The following EPS15 variants were observed in gnomAD, a reference collection of about 807,000 sequenced individuals.
EPS15 encodes epidermal growth factor receptor substrate 15.
EPS15 carries 72 observed loss-of-function variants against 113.8 expected under a neutral mutation model. The ratio of observed to expected loss-of-function variants is 0.63; its 90% CI spans 0.52 to 0.77. The LOEUF is 0.77. Among genes scored for constraint, EPS15 ranks in the 30% least tolerant of loss-of-function variants. The probability of loss-of-function intolerance (pLI) is 0.00; values close to 1 mark genes in which losing one functional copy is unlikely to be tolerated. For missense variants in EPS15, 1,048 were observed against 1,045.8 expected (o/e 1.00, Z -0.03); for synonymous variants, 344 against 363.4 (o/e 0.95, Z 0.61).
intron 1 of EPS15, among the ~76,000 whole-genome samples, chr1:51,497,393 T>C (rs1266502384): frequency 6.6e-6 from 1 of 152,180 alleles, no homozygotes; most frequent in African/African-American, 2.4e-5. Context: ...AAAAGATAAC[T>C]TGTCCAAAGT....
In EPS15 at chr1:51,435,104, A is replaced by T. The variant is rs1008950745; in HGVS notation, c.1040+5243T>A. On this transcript the variant is annotated intron_variant, in intron 12 of 24. Coordinates refer to ENST00000371733, the MANE Select transcript of EPS15 (RefSeq NM_001981.3). The stretch of plus-strand genomic sequence containing the variant: ...GAAAAACTAAGTCTGCAGAATATTT[A>T]AAAAAAAAAATCAGCCCACTAACCT... 4.7e-5 allele frequency among the ~76,000 whole-genome samples: 7 copies of T among 148,708 alleles called. No individual in the cohort carries two copies. In the East Asian group the frequency reaches 5.8e-4, roughly 12 times the overall value.
At chr1:51,442,164 A>G (rs1201148850) in intron 11 of EPS15, among the ~76,000 whole-genome samples, 6 of 152,184 alleles carry the variant, frequency 3.9e-5, no homozygotes, top group Non-Finnish European at 8.8e-5. Context: ...GGATTTCTGA[A>G]TGTGACAATT....
At chr1:51,472,174 A>G (rs1224125493) in intron 3 of EPS15, among the ~76,000 whole-genome samples, 1 of 152,166 alleles carries the variant, frequency 6.6e-6, no homozygotes, top group Non-Finnish European at 1.5e-5. Flanking sequence ...AGGGTAAGTG[A>G]CTTAGCTCAA....
chr1:51,489,811 G>C (rs751961757), intron 1 of EPS15, among the ~76,000 whole-genome samples: 3 of 152,104 alleles, frequency 2.0e-5, no homozygotes, highest in Non-Finnish European at 4.4e-5. Context: ...GTGTGTTTCT[G>C]ACAGGTCTTA....
intron 23 of EPS15, among the ~76,000 whole-genome samples, chr1:51,362,029 T>A (rs761654178): frequency 2.5e-4 from 38 of 152,210 alleles, no homozygotes; most frequent in Non-Finnish European, 5.1e-4. Flanking sequence ...ACTAATTCAT[T>A]ACCATTTTCA....
chr1:51,496,333 A>C (rs570819993), intron 1 of EPS15, among the ~76,000 whole-genome samples: 5 of 152,170 alleles, frequency 3.3e-5, no homozygotes, highest in Non-Finnish European at 5.9e-5. Context: ...TATTTTCCCC[A>C]TTATCGTACT....
intron 12 of EPS15, among the ~76,000 whole-genome samples, chr1:51,426,848 TATATACACACACACATATATATATACAC>T (rs1651251548): frequency 6.9e-6 from 1 of 145,976 alleles, no homozygotes; most frequent in African/African-American, 2.7e-5. Flanking sequence ...TATATATATA[TATATACACACACACATATATATATACAC>T]ATATATACAC....
At chr1:51,411,258 G>A (rs9436906) in intron 13 of EPS15, among the ~76,000 whole-genome samples, 1 of 151,998 alleles carries the variant, frequency 6.6e-6, no homozygotes, top group African/African-American at 2.4e-5. Context: ...TTCCTTTAAA[G>A]CCCAGGCAGA....
chr1:51,356,516 GAAA>G lies in EPS15; in HGVS notation c.*181_*183del, dbSNP rs878936060. 1.5e-4 allele frequency: 49 copies of G among 318,376 alleles called. No homozygotes were observed. The highest frequency in any genetic ancestry group is 3.8e-4 in the South Asian group (8 of 21,054). The allele number at this position is 318,376 out of a possible 1,614,324, so 19.7% of individuals were successfully genotyped here. Reference sequence around the variant, plus strand: ...TCTGACTGGGTTACGGCTTTTATAAGAAAAAAAAAAAAAGACGAATCTGTAATG... The same window carrying G: ...TCTGACTGGGTTACGGCTTTTATAAGAAAAAAAAAAGACGAATCTGTAATG... On this transcript the variant is annotated 3_prime_UTR_variant, in exon 25 of 25. Transcript: ENST00000371733.
At chr1:51,357,419 TATA>T (rs1327137362) in intron 24 of EPS15, among the ~76,000 whole-genome samples, 25 of 65,672 alleles carry the variant, frequency 3.8e-4, no homozygotes, top group East Asian at 6.1e-4. Context: ...TATATATATA[TATA>T]TATATTTTTT....
chr1:51,360,301 T>C (rs1048190306), intron 24 of EPS15, among the ~76,000 whole-genome samples: 1 of 152,216 alleles, frequency 6.6e-6, no homozygotes, highest in African/African-American at 2.4e-5. Context: ...AAGGTTATTT[T>C]GCCTGAAAAA....
chr1:51,443,111 A>G (rs1031249396), intron 11 of EPS15, among the ~76,000 whole-genome samples: 1 of 152,226 alleles, frequency 6.6e-6, no homozygotes, highest in African/African-American at 2.4e-5. Flanking sequence ...GGTATCTGAC[A>G]TAAATAGACA....
At chr1:51,431,883 T>TA (rs1434677675) in intron 12 of EPS15, among the ~76,000 whole-genome samples, 3 of 152,102 alleles carry the variant, frequency 2.0e-5, no homozygotes, top group Non-Finnish European at 2.9e-5. Flanking sequence ...ATAGGGATAA[T>TA]AAAGTTGATG....
At chr1:51,438,365 G>A (rs1315150742) in intron 12 of EPS15, among the ~76,000 whole-genome samples, 1 of 152,052 alleles carries the variant, frequency 6.6e-6, no homozygotes, top group Admixed American at 6.6e-5. Flanking sequence ...GACTGCCACT[G>A]GTACAACTTA....
At chr1:51,412,138 A>G (rs923375329) in intron 13 of EPS15, among the ~76,000 whole-genome samples, 1 of 152,186 alleles carries the variant, frequency 6.6e-6, no homozygotes, top group Admixed American at 6.5e-5. Context: ...GTTCTCACTC[A>G]TAAGTGGGAG....
intron 21 of EPS15, among the ~76,000 whole-genome samples, chr1:51,377,128 C>A (rs1472551261): frequency 6.6e-6 from 1 of 151,980 alleles, no homozygotes. Context: ...ATTAGCTGAG[C>A]GTGGTGGCGG....
rs562234017 is a variant in EPS15 at position 51,505,501 on chromosome 1, T to C, written c.33+13698A>G. ...TAGAGACAGAAAGTAGATTAATAGTTGCTTAGGCTGGGGGAAGCATGCAAT... is the reference window on the plus strand; with the variant it reads ...TAGAGACAGAAAGTAGATTAATAGTCGCTTAGGCTGGGGGAAGCATGCAAT... On this transcript the variant is annotated intron_variant, in intron 1 of 24. Coordinates refer to ENST00000371733, the MANE Select transcript of EPS15 (RefSeq NM_001981.3). Among the ~76,000 whole-genome samples the C allele has an allele frequency of 2.0e-4, 30 of 152,286 alleles. No homozygotes were observed. In the South Asian group the frequency reaches 4.4e-3, roughly 22 times the overall value.
At chr1:51,372,804 A>ACAGTGGACAGT (rs1646690961) in intron 21 of EPS15, 1 of 439,784 alleles carries the variant, frequency 2.3e-6, no homozygotes, top group Non-Finnish European at 4.1e-6. Flanking sequence ...CAAAGATGCT[A>ACAGTGGACAGT]CAGTGGACAG....
chr1:51,401,261 A>T (rs1648523947), intron 18 of EPS15: 1 of 214,416 alleles, frequency 4.7e-6, no homozygotes, highest in Non-Finnish European at 9.2e-6. Flanking sequence ...AAAGGTACTG[A>T]GCTTTACTGA....
Sources: allele counts gnomAD v4.1 joint callset (sites outside exome capture counted in the v4.1 genomes callset), GRCh38; gene constraint gnomAD v4.1.1; transcripts MANE v1.5; gene names NCBI Gene and HGNC (gene_info 2026-07-23, HGNC 2026-07-21).